The following RMC1 variants were observed in gnomAD, a reference collection of about 807,000 sequenced individuals.
The protein encoded by RMC1 is regulator of MON1-CCZ1 complex.
A neutral mutation model predicts 95.5 loss-of-function variants in RMC1; 44 were observed. The observed-to-expected ratio is 0.46, with a 90% CI of 0.36 to 0.59. RMC1 has a LOEUF of 0.59. Ranked by LOEUF, RMC1 falls within the 20% of genes least tolerant of loss-of-function variation. The probability of loss-of-function intolerance (pLI) is 0.00; values close to 1 mark genes in which losing one functional copy is unlikely to be tolerated. For synonymous variants in RMC1, 320 were observed against 303.6 expected (o/e 1.05, Z -0.56); for missense variants, 705 against 819.6 (o/e 0.86, Z 1.71).
At chr18:23,504,977 G>A (rs916653888) in intron 2 of RMC1, among the ~76,000 whole-genome samples, 10 of 152,170 alleles carry the variant, frequency 6.6e-5, no homozygotes, top group African/African-American at 2.4e-4. Context: ...TGTAACACTG[G>A]TGCTTACAGA....
Position 23,531,740 on chromosome 18 carries a change from A to C in RMC1, c.*36A>C. ...TGTTTTTTTATATAAAAATGTGTACAAAGTTAATTTATTGCATTAATAAAG... is the reference window on the plus strand; with the variant it reads ...TGTTTTTTTATATAAAAATGTGTACCAAGTTAATTTATTGCATTAATAAAG... On this transcript the variant is annotated 3_prime_UTR_variant, in exon 20 of 20. Coordinates refer to ENST00000269221, the MANE Select transcript of RMC1 (RefSeq NM_013326.5). 1 of 1,592,792 alleles carries C rather than the reference A, an allele frequency of 6.3e-7. No individual in the cohort carries two copies. Among genetic ancestry groups the C allele is most frequent in the Non-Finnish European group, 8.5e-7 (1 of 1,173,844 alleles).
rs1016281076 is a variant in RMC1 at position 23,527,674 on chromosome 18, C to G, written c.1190-121C>G. ...TGTCAGGTCTTTAAAGTAGAGTGTCCTTTAAAGGTACTTTTGCATTGGTAA... is the reference window on the plus strand; with the variant it reads ...TGTCAGGTCTTTAAAGTAGAGTGTCGTTTAAAGGTACTTTTGCATTGGTAA... On this transcript the variant is annotated intron_variant, in intron 13 of 19. Coordinates refer to ENST00000269221, the MANE Select transcript of RMC1 (RefSeq NM_013326.5). 3.4e-4 allele frequency: 144 copies of G among 419,712 alleles called. 1 individual carries two copies. Among genetic ancestry groups the G allele is most frequent in the Admixed American group, 7.1e-4 (18 of 25,502 alleles). The allele number at this position is 419,712 out of a possible 1,614,324, so 26.0% of individuals were successfully genotyped here. A position where few individuals can be genotyped will look rare whatever the true frequency, so the allele number is the denominator to read the frequency against.
intron 12 of RMC1, 124 bp downstream of exon 12, chr18:23,524,606 A>G: frequency 2.1e-6 from 2 of 965,806 alleles, no homozygotes; most frequent in South Asian, 2.9e-5. Flanking sequence ...AAGCGTGGGA[A>G]TGGGATTTTT....
Position 23,503,714 on chromosome 18 carries a change from C to G in RMC1, c.96C>G (p.Asn32Lys), listed in dbSNP as rs1336710154. 6.3e-7 allele frequency: 1 copy of G among 1,588,130 alleles called. No individual in the cohort carries two copies. The highest frequency in any genetic ancestry group is 8.6e-7 in the Non-Finnish European group (1 of 1,168,194). ...ACTGCGTCTTCTTCGATGAGGCCAACAAGCAGGTCCGGCGCGCCCGCGCTT... is the reference window on the plus strand; with the variant it reads ...ACTGCGTCTTCTTCGATGAGGCCAAGAAGCAGGTCCGGCGCGCCCGCGCTT... ...PVNCVFFDEA[N>K]KQVFAVRSGG... The change falls in exon 1 of 20, where the codon AAC becomes AAG. Residue 32 changes from asparagine (N) to lysine (K), a missense_variant. By Grantham distance (94) the Asn-to-Lys change is moderately conservative (BLOSUM62 0). Coordinates refer to ENST00000269221, the MANE Select transcript of RMC1 (RefSeq NM_013326.5).
rs1404640755 is a variant in RMC1 at position 23,530,073 on chromosome 18, C to G, written c.1540C>G (p.Leu514Val). The G allele has an allele frequency of 6.2e-7, 1 of 1,614,242 alleles. No homozygotes were observed. Among genetic ancestry groups the G allele is most frequent in the South Asian group, 1.1e-5 (1 of 91,088 alleles). ...LVIKTLVQHN[L>V]FYMLHQFLQY... Reference sequence around the variant, plus strand: ...TATCAAAACCCTTGTCCAGCACAACCTCTTTTATATGCTGCATCAGTTCCT... The same window carrying G: ...TATCAAAACCCTTGTCCAGCACAACGTCTTTTATATGCTGCATCAGTTCCT... Residue 514 changes from leucine (L) to valine (V), a missense_variant, in exon 17 of 20, where the codon CTC (leucine) becomes GTC (valine). By Grantham distance (32) the Leu-to-Val change is conservative (BLOSUM62 1). Transcript: ENST00000269221.
intron 12 of RMC1, among the ~76,000 whole-genome samples, chr18:23,525,872 TGAGGA>T (rs2145257745): frequency 6.6e-6 from 1 of 152,342 alleles, no homozygotes; most frequent in East Asian, 1.9e-4. Flanking sequence ...TAAGAACTCT[TGAGGA>T]GAGAATTAGC....
At chr18:23,524,584 A>G (rs2058238492) in intron 12 of RMC1, 102 bp downstream of exon 12, 1 of 1,188,908 alleles carries the variant, frequency 8.4e-7, no homozygotes, top group Non-Finnish European at 1.2e-6. Context: ...CTTAGAAATG[A>G]CCCCTCCTTT....
At chr18:23,514,827 T>C (rs1266174201) in intron 5 of RMC1, among the ~76,000 whole-genome samples, 1 of 152,162 alleles carries the variant, frequency 6.6e-6, no homozygotes, top group Non-Finnish European at 1.5e-5. Flanking sequence ...ATTATTATAG[T>C]TCTTAAGAAG....
chr18:23,531,511 T>G (rs1462971974), intron 19 of RMC1, 114 bp from the exon 20 acceptor site: 32 of 1,499,540 alleles, frequency 2.1e-5, no homozygotes, highest in Non-Finnish European at 2.8e-5. Flanking sequence ...AGGAAAACAA[T>G]GTATTTTATT....
chr18:23,529,352 T>A (rs1383127432), intron 15 of RMC1, 54 bp downstream of exon 15: 1 of 1,567,190 alleles, frequency 6.4e-7, no homozygotes, highest in Non-Finnish European at 8.6e-7. Flanking sequence ...AACAAGGAAG[T>A]TGCTGAAAAC....
chr18:23,526,848 T>A, intron 13 of RMC1, 83 bp downstream of exon 13: 2 of 1,523,462 alleles, frequency 1.3e-6, no homozygotes, highest in Non-Finnish European at 1.8e-6. Context: ...GTGGGCTACA[T>A]TGTTGTGTCT....
intron 19 of RMC1, among the ~76,000 whole-genome samples, chr18:23,531,080 C>A (rs548178739): frequency 1.3e-4 from 20 of 151,276 alleles, no homozygotes; most frequent in Admixed American, 6.6e-4. Flanking sequence ...CTGCAACCTC[C>A]GCTGGGTTCA....
intron 10 of RMC1, among the ~76,000 whole-genome samples, chr18:23,523,403 C>G (rs569554022): frequency 6.6e-6 from 1 of 151,900 alleles, no homozygotes; most frequent in Admixed American, 6.6e-5. Context: ...AATGGATAAT[C>G]GAACTAATTA....
In RMC1 at chr18:23,531,766, C is replaced by G; in HGVS notation, c.*62C>G. 6.3e-7 allele frequency: 1 copy of G among 1,576,878 alleles called. No homozygotes were observed. The highest frequency in any genetic ancestry group is 1.4e-5 in the African/African-American group (1 of 72,934). ...AAGTTAATTTATTGCATTAATAAAG[C>G]TCTTTAAACTATAAAATGTTATAAA... On this transcript the variant is annotated 3_prime_UTR_variant, in exon 20 of 20. Transcript: ENST00000269221.
At chr18:23,504,326 C>A in intron 1 of RMC1, 45 bp from the exon 2 acceptor site, 1 of 1,559,950 alleles carries the variant, frequency 6.4e-7, no homozygotes, top group Non-Finnish European at 8.8e-7. Flanking sequence ...GAGTTTAGAT[C>A]CTTTCAGAGT....
chr18:23,529,603 G>C (rs759845424), intron 15 of RMC1, 32 bp from the exon 16 acceptor site: 1 of 1,578,076 alleles, frequency 6.3e-7, no homozygotes, highest in Non-Finnish European at 8.7e-7. Context: ...CACCTCGTTG[G>C]TATTTGTAAG....
At chr18:23,528,033 G>GC in intron 14 of RMC1, 132 bp downstream of exon 14, 1 of 724,832 alleles carries the variant, frequency 1.4e-6, no homozygotes, top group South Asian at 1.9e-5. Flanking sequence ...CTGCCATAGG[G>GC]CAAGGTGGCA....
At chr18:23,516,026 C>T in intron 6 of RMC1, 30 bp downstream of exon 6, 1 of 1,613,868 alleles carries the variant, frequency 6.2e-7, no homozygotes, top group East Asian at 2.2e-5. Flanking sequence ...GAAAAAAACA[C>T]CTTTCCCCAG....
intron 13 of RMC1, among the ~76,000 whole-genome samples, chr18:23,527,550 G>A (rs942443722): frequency 1.3e-5 from 2 of 150,896 alleles, no homozygotes; most frequent in African/African-American, 2.4e-5. Flanking sequence ...CAAAGTGCTG[G>A]GATTATAGGC....
Sources: allele counts gnomAD v4.1 joint callset (sites outside exome capture counted in the v4.1 genomes callset), GRCh38; gene constraint gnomAD v4.1.1; transcripts MANE v1.5; gene names NCBI Gene and HGNC (gene_info 2026-07-23, HGNC 2026-07-21).